The following SOX6 variants were observed in gnomAD, a reference collection of about 807,000 sequenced individuals.
SOX6 encodes the protein SRY-box transcription factor 6.
A neutral mutation model predicts 97.8 loss-of-function variants in SOX6; 11 were observed. The observed-to-expected ratio is 0.11, with a 90% CI of 0.07 to 0.19. The LOEUF (loss-of-function observed/expected upper bound fraction) is 0.19, where lower values mean the gene tolerates loss of function less well. SOX6 is among the 10% of genes least tolerant of loss of function. The pLI is 1.00. For missense variants in SOX6, 810 were observed against 1,039.5 expected (o/e 0.78, Z 3.04); for synonymous variants, 360 against 371.4 (o/e 0.97, Z 0.35).
chr11:16,420,582 A>AT (rs1234017515), intron 1 of SOX6, among the ~76,000 whole-genome samples: 2 of 152,198 alleles, frequency 1.3e-5, no homozygotes, highest in African/African-American at 4.8e-5. Context: ...CTAGAGAGAG[A>AT]TAAAAAGTAG....
chr11:16,060,173 A>T (rs189914111), intron 9 of SOX6, among the ~76,000 whole-genome samples: 164 of 151,870 alleles, frequency 1.1e-3, no homozygotes, highest in African/African-American at 2.6e-3. Context: ...ATTTTTTTTT[A>T]AAAAAGTTGA....
intron 6 of SOX6, among the ~76,000 whole-genome samples, chr11:16,147,220 G>T (rs1370426225): frequency 6.6e-6 from 1 of 152,010 alleles, no homozygotes; most frequent in South Asian, 2.1e-4. Flanking sequence ...GATGAAGCTG[G>T]AAACTATCAC....
chr11:16,723,874 T>A (rs1848285378), intron 2 of SOX6, among the ~76,000 whole-genome samples: 1 of 152,190 alleles, frequency 6.6e-6, no homozygotes. Context: ...AATTTTACAA[T>A]GGAACAACTA....
chr11:16,508,009 T>C (rs1327147473), intron 4 of SOX6, among the ~76,000 whole-genome samples: 1 of 151,622 alleles, frequency 6.6e-6, no homozygotes, highest in Non-Finnish European at 1.5e-5. Context: ...CATCCAGAAT[T>C]TACAAGAAAC....
intron 9 of SOX6, among the ~76,000 whole-genome samples, chr11:16,058,832 G>A (rs1847879330): frequency 6.6e-6 from 1 of 152,014 alleles, no homozygotes; most frequent in East Asian, 1.9e-4. Context: ...AATCTCCAGT[G>A]ACTTCTGTGA....
intron 1 of SOX6, chr11:16,408,603 C>A (rs1481774880): frequency 6.6e-6 from 1 of 152,090 alleles, no homozygotes; most frequent in Non-Finnish European, 1.5e-5. Flanking sequence ...TTAGGAAGCC[C>A]CAAGTTAGGA....
At chr11:16,492,583 T>C (rs1860529202) in intron 4 of SOX6, among the ~76,000 whole-genome samples, 2 of 152,186 alleles carry the variant, frequency 1.3e-5, no homozygotes, top group African/African-American at 2.4e-5. Flanking sequence ...CCATTGCCTA[T>C]AGTGTGACCT....
intron 13 of SOX6, among the ~76,000 whole-genome samples, chr11:15,995,285 C>A (rs1017141874): frequency 6.6e-6 from 1 of 152,102 alleles, no homozygotes; most frequent in Non-Finnish European, 1.5e-5. Flanking sequence ...AGGAGCAACT[C>A]CTTAGGAATA....
intron 2 of SOX6, among the ~76,000 whole-genome samples, chr11:16,324,942 T>C (rs1032554214): frequency 1.3e-5 from 2 of 152,028 alleles, no homozygotes; most frequent in Admixed American, 6.6e-5. Flanking sequence ...AAAGAGGAGT[T>C]GGTTGATGAG....
chr11:16,358,388 T>C (rs894381442), upstream of SOX6, among the ~76,000 whole-genome samples: 7 of 152,124 alleles, frequency 4.6e-5, no homozygotes, highest in African/African-American at 1.7e-4. Context: ...TCAATTTTAT[T>C]ATGAAAGAAC....
Position 16,613,006 on chromosome 11 carries a change from T to A in SOX6, n.430-746A>T, listed in dbSNP as rs1299099406. 6.6e-6 allele frequency: 1 copy of A among 152,446 alleles called. No homozygotes were observed. The highest frequency in any genetic ancestry group is 6.5e-5 in the Admixed American group (1 of 15,274). The allele number at this position is 152,446 out of a possible 1,614,324, so 9.4% of individuals were successfully genotyped here. On this transcript the variant is annotated intron_variant and non_coding_transcript_variant, in intron 3 of 5. Coordinates refer to the SOX6 transcript ENST00000524520. This position sits in a 1 kb window ranked among gnomAD's most constrained non-coding sequence, Gnocchi z 4.6. ...CCACGATTGAATGGAAGCTCTGTAC[T>A]GTACCGACTTCTGGATTTGCCCTGG...
At chr11:16,524,929 G>A (rs1318894030) in intron 4 of SOX6, among the ~76,000 whole-genome samples, 5 of 152,268 alleles carry the variant, frequency 3.3e-5, no homozygotes, top group African/African-American at 4.8e-5. Context: ...TACAAGGGAC[G>A]TGAAGGACCT....
chr11:16,075,260 C>T (rs1848325795), intron 9 of SOX6, among the ~76,000 whole-genome samples: 2 of 152,138 alleles, frequency 1.3e-5, no homozygotes, highest in African/African-American at 2.4e-5. Context: ...ATAAGACTCA[C>T]AGTTCCACAT....
intron 6 of SOX6, among the ~76,000 whole-genome samples, chr11:16,136,703 T>C (rs1161050519): frequency 6.6e-6 from 1 of 152,186 alleles, no homozygotes; most frequent in Non-Finnish European, 1.5e-5. Flanking sequence ...CCTACAGTGC[T>C]GGAATTATCG....
At chr11:16,640,384 G>A (rs1174141832) in intron 3 of SOX6, among the ~76,000 whole-genome samples, 1 of 152,104 alleles carries the variant, frequency 6.6e-6, no homozygotes, top group Non-Finnish European at 1.5e-5. Context: ...TTTTTGTTGT[G>A]TCTCTGCCAG....
At chr11:16,292,388 A>C (rs1854943001) in intron 3 of SOX6, among the ~76,000 whole-genome samples, 1 of 152,114 alleles carries the variant, frequency 6.6e-6, no homozygotes, top group Non-Finnish European at 1.5e-5. Flanking sequence ...CTTATCTACA[A>C]CACACTAAGA....
At chr11:16,463,483 C>G (rs1224267112) in intron 1 of SOX6, among the ~76,000 whole-genome samples, 1 of 152,258 alleles carries the variant, frequency 6.6e-6, no homozygotes, top group Admixed American at 6.5e-5. Context: ...TTTAGAGAAA[C>G]CAACTGGGTA....
At chr11:16,485,026 C>T (rs1226547640) in intron 4 of SOX6, among the ~76,000 whole-genome samples, 1 of 152,136 alleles carries the variant, frequency 6.6e-6, no homozygotes, top group Non-Finnish European at 1.5e-5. Flanking sequence ...GTAACATACC[C>T]TAAGCCTACT....
intron 1 of SOX6, among the ~76,000 whole-genome samples, chr11:16,448,521 A>T (rs1428095521): frequency 6.6e-6 from 1 of 152,182 alleles, no homozygotes; most frequent in East Asian, 1.9e-4. Context: ...AAAATTGCTG[A>T]GTTTCAAAAT....
Sources: allele counts gnomAD v4.1 joint callset (sites outside exome capture counted in the v4.1 genomes callset), GRCh38; gene constraint gnomAD v4.1.1; non-coding constraint Gnocchi (gnomAD v3.1); transcripts MANE v1.5; gene names NCBI Gene and HGNC (gene_info 2026-07-23, HGNC 2026-07-21).